LRRTM4: variants seen among roughly 807,000 people sequenced by gnomAD.
The protein encoded by LRRTM4 is leucine rich repeat transmembrane neuronal 4, also known as leucine-rich repeat transmembrane neuronal protein 4.
Under a neutral mutation model 47.6 loss-of-function variants are expected in LRRTM4, and 25 were observed. The ratio of observed to expected loss-of-function variants is 0.53; its 90% CI spans 0.38 to 0.73. The LOEUF (loss-of-function observed/expected upper bound fraction) is 0.73, where lower values mean the gene tolerates loss of function less well. Among genes scored for constraint, LRRTM4 ranks in the 30% least tolerant of loss-of-function variants. LRRTM4 has a pLI of 0.00. For synonymous variants in LRRTM4, 311 were observed against 269.5 expected (o/e 1.15, Z -1.51); for missense variants, 638 against 713.4 (o/e 0.89, Z 1.20).
intron 3 of LRRTM4, among the ~76,000 whole-genome samples, chr2:77,490,849 C>T (rs1678125645): frequency 6.6e-6 from 1 of 150,870 alleles, no homozygotes; most frequent in Non-Finnish European, 1.5e-5. Context: ...TTAGGAAGAA[C>T]AAAATGTGAG....
intron 3 of LRRTM4, among the ~76,000 whole-genome samples, chr2:77,118,797 A>G (rs1481795116): frequency 3.3e-5 from 5 of 151,870 alleles, no homozygotes; most frequent in Non-Finnish European, 7.4e-5. Context: ...CCTTTCAAAA[A>G]ATAGGAATAA....
intron 3 of LRRTM4, among the ~76,000 whole-genome samples, chr2:76,987,966 T>C (rs1164962671): frequency 1.3e-5 from 2 of 151,962 alleles, no homozygotes; most frequent in African/African-American, 4.8e-5. Context: ...AAATTTCAAA[T>C]GCTAAATATG....
intron 3 of LRRTM4, among the ~76,000 whole-genome samples, chr2:77,135,733 T>C (rs1006720245): frequency 6.6e-6 from 1 of 152,160 alleles, no homozygotes; most frequent in South Asian, 2.1e-4. Context: ...GAATTTATTT[T>C]GAAACATTGA....
intron 3 of LRRTM4, among the ~76,000 whole-genome samples, chr2:77,507,810 G>GT (rs1271089215): frequency 8.5e-5 from 13 of 152,078 alleles, no homozygotes; most frequent in Non-Finnish European, 1.8e-4. Context: ...ATTCCAGAGT[G>GT]GCATAGACCT....
At chr2:77,121,364 A>C (rs1038925723) in intron 3 of LRRTM4, among the ~76,000 whole-genome samples, 2 of 151,854 alleles carry the variant, frequency 1.3e-5, no homozygotes, top group African/African-American at 4.8e-5. Flanking sequence ...ATAGCATAAT[A>C]AATTACCTCT....
chr2:77,093,615 C>A (rs1572955761), intron 3 of LRRTM4, among the ~76,000 whole-genome samples: 4 of 151,910 alleles, frequency 2.6e-5, no homozygotes, highest in African/African-American at 9.7e-5. Context: ...GCTGCCCCAA[C>A]ACTTCAACAC....
chr2:76,803,296 A>G (rs941077206), intron 3 of LRRTM4, among the ~76,000 whole-genome samples: 2 of 152,186 alleles, frequency 1.3e-5, no homozygotes, highest in Admixed American at 6.6e-5. Flanking sequence ...GAATCTGAAT[A>G]GACATTTCTC....
intron 3 of LRRTM4, among the ~76,000 whole-genome samples, chr2:76,768,965 C>G (rs1206236449): frequency 6.6e-6 from 1 of 152,082 alleles, no homozygotes; most frequent in Non-Finnish European, 1.5e-5. Flanking sequence ...TCTTGATGTA[C>G]ACATCACTCT....
intron 3 of LRRTM4, among the ~76,000 whole-genome samples, chr2:76,787,564 A>AAGTT (rs1345635759): frequency 7.9e-5 from 12 of 151,734 alleles, no homozygotes; most frequent in African/African-American, 2.7e-4. Context: ...AAGTTTTATG[A>AAGTT]AGTTAGGAAA....
intron 3 of LRRTM4, among the ~76,000 whole-genome samples, chr2:76,836,412 G>A (rs1158947300): frequency 2.0e-5 from 3 of 151,632 alleles, no homozygotes; most frequent in Admixed American, 6.6e-5. Flanking sequence ...TCATGTCTAT[G>A]CCAGCATTTG....
At chr2:76,922,670 T>C (rs1674469455) in intron 3 of LRRTM4, among the ~76,000 whole-genome samples, 1 of 143,908 alleles carries the variant, frequency 6.9e-6, no homozygotes, top group Non-Finnish European at 1.5e-5. Context: ...CTTTTAGGTA[T>C]AAGATAAACA....
chr2:77,265,146 T>G (rs1301105452), intron 3 of LRRTM4, among the ~76,000 whole-genome samples: 2 of 152,134 alleles, frequency 1.3e-5, no homozygotes, highest in Non-Finnish European at 2.9e-5. Flanking sequence ...GCATCAAGGC[T>G]ATAAAAGGTG....
At chr2:77,479,874 C>T (rs1174834793) in intron 3 of LRRTM4, among the ~76,000 whole-genome samples, 1 of 152,028 alleles carries the variant, frequency 6.6e-6, no homozygotes, top group Non-Finnish European at 1.5e-5. Flanking sequence ...AAGCTATAAA[C>T]CAGCTGATAT....
chr2:77,415,933 A>G (rs1674619318), intron 3 of LRRTM4, among the ~76,000 whole-genome samples: 1 of 152,144 alleles, frequency 6.6e-6, no homozygotes, highest in African/African-American at 2.4e-5. Flanking sequence ...CTAACTTGCC[A>G]AATCCAAACA....
chr2:77,385,786 C>G (rs1438106220), intron 3 of LRRTM4, among the ~76,000 whole-genome samples: 1 of 127,074 alleles, frequency 7.9e-6, no homozygotes, highest in African/African-American at 3.1e-5. Context: ...CTCACTCTGT[C>G]ACCCAGGCTG....
At chr2:76,885,667 G>A (rs1269147414) in intron 3 of LRRTM4, among the ~76,000 whole-genome samples, 1 of 151,772 alleles carries the variant, frequency 6.6e-6, no homozygotes, top group Non-Finnish European at 1.5e-5. Flanking sequence ...GGGTTTCACC[G>A]TGTTAGCAAA....
Position 77,453,604 on chromosome 2 carries a change from T to C in LRRTM4, c.1551+64714A>G, listed in dbSNP as rs1005800750. Among the ~76,000 whole-genome samples the C allele has an allele frequency of 3.9e-5, 6 of 152,200 alleles. 1 individual carries two copies. Among genetic ancestry groups the C allele is most frequent in the Admixed American group, 3.3e-4 (5 of 15,282 alleles). On this transcript the variant is annotated intron_variant, in intron 3 of 3. Transcript: ENST00000409884. ...CTTATAACATAATGATCAATGCTATTTGACAAATTTTAGCCTTGAATTCTG... is the reference window on the plus strand; with the variant it reads ...CTTATAACATAATGATCAATGCTATCTGACAAATTTTAGCCTTGAATTCTG...
chr2:76,945,352 G>A (rs895295336), intron 3 of LRRTM4, among the ~76,000 whole-genome samples: 9 of 151,976 alleles, frequency 5.9e-5, no homozygotes, highest in African/African-American at 2.2e-4. Flanking sequence ...CTTTTTCACT[G>A]TTGTGAAAAT....
intron 3 of LRRTM4, among the ~76,000 whole-genome samples, chr2:77,204,188 G>A (rs1040657895): frequency 3.3e-5 from 5 of 152,152 alleles, no homozygotes; most frequent in African/African-American, 1.2e-4. Flanking sequence ...GAGAACAGAA[G>A]CACATAGCAC....
Sources: allele counts gnomAD v4.1 joint callset (sites outside exome capture counted in the v4.1 genomes callset), GRCh38; gene constraint gnomAD v4.1.1; transcripts MANE v1.5; gene names NCBI Gene and HGNC (gene_info 2026-07-23, HGNC 2026-07-21).